The following PLCD3 variants were observed in gnomAD, a reference collection of about 807,000 sequenced individuals.
PLCD3 encodes the protein phospholipase C delta 3.
PLCD3 carries 62 observed loss-of-function variants against 82.8 expected under a neutral mutation model. The observed-to-expected ratio is 0.75, with a 90% CI of 0.61 to 0.93. The LOEUF (loss-of-function observed/expected upper bound fraction) is 0.93, where lower values mean the gene tolerates loss of function less well. Among genes scored for constraint, PLCD3 ranks in the 40% least tolerant of loss-of-function variants. PLCD3 has a pLI of 0.00. For synonymous variants in PLCD3, 478 were observed against 471.8 expected, an observed-to-expected ratio of 1.01 and a Z score of -0.17; for missense variants, 1,023 against 1,103.4, an observed-to-expected ratio of 0.93 and a Z score of 1.03.
chr17:45,131,836 G>A (rs2054455146), intron 1 of PLCD3, among the ~76,000 whole-genome samples: 1 of 152,270 alleles, frequency 6.6e-6, no homozygotes, highest in Admixed American at 6.5e-5. Context: ...CCTCTTCTGC[G>A]GAGGCCGACC....
intron 1 of PLCD3, among the ~76,000 whole-genome samples, chr17:45,124,128 G>A (rs76883783): frequency 6.6e-6 from 1 of 152,336 alleles, no homozygotes; most frequent in African/African-American, 2.4e-5. Flanking sequence ...CTCTGCAGCT[G>A]GGGCTGCCTC....
At chr17:45,128,808 T>C (rs753561899) in intron 1 of PLCD3, among the ~76,000 whole-genome samples, 1 of 152,232 alleles carries the variant, frequency 6.6e-6, no homozygotes, top group Non-Finnish European at 1.5e-5. Flanking sequence ...TTAGCGGAAT[T>C]CCAAACTTAA....
chr17:45,117,871 GTGAA>G (rs2054302908), intron 7 of PLCD3, 119 bp downstream of exon 7: 3 of 1,323,702 alleles, frequency 2.3e-6, no homozygotes, highest in South Asian at 2.8e-5. Flanking sequence ...GCAGCACTTG[GTGAA>G]TGAATGATTC....
At chr17:45,122,054 T>C (rs2054345885) in intron 1 of PLCD3, among the ~76,000 whole-genome samples, 1 of 152,200 alleles carries the variant, frequency 6.6e-6, no homozygotes, top group Admixed American at 6.5e-5. Flanking sequence ...CCTTTTTCCC[T>C]TGATGTGAAA....
intron 1 of PLCD3, among the ~76,000 whole-genome samples, chr17:45,126,064 GAT>G (rs2054379113): frequency 7.2e-6 from 1 of 139,644 alleles, no homozygotes; most frequent in African/African-American, 2.7e-5. Flanking sequence ...TTTTTTTTGA[GAT>G]GGAGTCTCGC....
intron 1 of PLCD3, among the ~76,000 whole-genome samples, chr17:45,131,209 G>C (rs1471407652): frequency 6.6e-6 from 1 of 152,210 alleles, no homozygotes; most frequent in Non-Finnish European, 1.5e-5. Flanking sequence ...GTAACAAGAA[G>C]GCAAAACTGG....
chr17:45,113,221 C>T lies in PLCD3; in HGVS notation c.2032G>A (p.Glu678Lys), dbSNP rs1273131607. ...TAQQLPKLNAEKPHSIVDPLV... is the reference protein window; with the variant it reads ...TAQQLPKLNAKKPHSIVDPLV... ...GGGTCCACAATGGAGTGTGGCTTCT[C>T]GGCATTCAGCTTGGGCAGCTGCTGT... Residue 678 changes from glutamate to lysine, a missense_variant, in exon 13 of 15, where the codon GAG becomes AAG. By Grantham distance (56) the Glu-to-Lys change is moderately conservative (BLOSUM62 1). Around this residue, in one of 3 missense-constraint regions of PLCD3, gnomAD observed 553 missense variants for 655.7 expected, o/e 0.84. Transcript: ENST00000619929. The T allele has an allele frequency of 2.5e-6, 4 of 1,609,864 alleles. No individual in the cohort carries two copies. The highest frequency in any genetic ancestry group is 3.4e-6 in the Non-Finnish European group (4 of 1,178,266).
chr17:45,117,988 G>C lies in PLCD3; in HGVS notation c.1260+6C>G. 1 of 1,612,854 alleles carries C rather than the reference G, an allele frequency of 6.2e-7. No homozygotes were observed. Among genetic ancestry groups the C allele is most frequent in the Non-Finnish European group, 8.5e-7 (1 of 1,179,614 alleles). On this transcript the variant is annotated splice_donor_region_variant and intron_variant, in intron 7 of 14. Transcript: ENST00000619929. ...GGGGCTGGGGCTGGGCATCCCAGGG[G>C]CTCACCGTGAAGGCATGGTCGCGCA... is the stretch of plus-strand genomic sequence containing the variant.
Position 45,112,521 on chromosome 17 carries a change from C to T in PLCD3, c.*95G>A. 2 of 1,338,568 alleles carry T rather than the reference C, an allele frequency of 1.5e-6. 1 individual carries two copies. Among genetic ancestry groups the T allele is most frequent in the South Asian group, 2.5e-5 (2 of 79,060 alleles). 82.9% of individuals were successfully genotyped at this position (1,338,568 alleles called of 1,614,324 possible). A position where few individuals can be genotyped will look rare whatever the true frequency, so the allele number is the denominator to read the frequency against. On this transcript the variant is annotated 3_prime_UTR_variant, in exon 15 of 15. Transcript: ENST00000619929. ...TGGGCCAAGTGGGTGGGCTGGGGGG[C>T]TGGTACTCCCACCACCTGACTCCAG...
chr17:45,126,337 C>T (rs539546899), intron 1 of PLCD3, among the ~76,000 whole-genome samples: 65 of 141,740 alleles, frequency 4.6e-4, no homozygotes, highest in African/African-American at 1.7e-3. Flanking sequence ...TGAGCCACTG[C>T]GCCCAGCCTA....
rs1023635977 is a variant in PLCD3, at chr17:45,114,896, C to T, written c.1711+198G>A. Among the ~76,000 whole-genome samples the T allele has an allele frequency of 3.9e-5, 6 of 152,162 alleles. No homozygotes were observed. The South Asian group carries it at 8.3e-4, about 21-fold the overall frequency. On this transcript the variant is annotated intron_variant, in intron 10 of 14. Coordinates refer to ENST00000619929, the MANE Select transcript of PLCD3 (RefSeq NM_133373.5). ...CCCACCACAGGGCTCTGAAGGCAGA[C>T]AGCAGGCCGCCCTCAGCGTGCCACT...
At chr17:45,123,964 C>CA (rs1555610231) in intron 1 of PLCD3, among the ~76,000 whole-genome samples, 35 of 145,136 alleles carry the variant, frequency 2.4e-4, no homozygotes, top group African/African-American at 7.9e-4. Context: ...AGACCCCCCC[C>CA]CCAACCAGGT....
chr17:45,112,782 G>C, intron 14 of PLCD3, 78 bp from the exon 15 acceptor site: 3 of 1,592,922 alleles, frequency 1.9e-6, no homozygotes, highest in Non-Finnish European at 1.7e-6. Context: ...CTTCAGGGCA[G>C]GAAATTCGAG....
intron 1 of PLCD3, 85 bp from the exon 2 acceptor site, chr17:45,121,457 T>C: frequency 7.2e-7 from 1 of 1,391,160 alleles, no homozygotes; most frequent in Non-Finnish European, 9.4e-7. Flanking sequence ...TGCTGCCCCA[T>C]CCTCCAGCCT....
chr17:45,126,351 T>TTA (rs1360326848), intron 1 of PLCD3, among the ~76,000 whole-genome samples: 1 of 102,586 alleles, frequency 9.7e-6, no homozygotes, highest in Non-Finnish European at 2.3e-5. Context: ...CAGCCTATTT[T>TTA]TTTTTTTTTT....
intron 9 of PLCD3, 48 bp downstream of exon 9, chr17:45,115,296 T>A: frequency 6.5e-7 from 1 of 1,527,156 alleles, no homozygotes; most frequent in Non-Finnish European, 8.8e-7. Flanking sequence ...CCCACATCCG[T>A]CCTCCCACCT....
chr17:45,112,672 C>T lies in PLCD3; in HGVS notation c.2314G>A (p.Gly772Arg), dbSNP rs368321108. The change falls in exon 15 of 15, where the codon GGG becomes AGG. Residue 772 changes from glycine (G) to arginine (R), a missense_variant. Physicochemically the swap from Gly to Arg is moderately radical, Grantham distance 125. Transcript: ENST00000619929. ...AGCGTGGCTGGTGACAGTGAGGCCC[C>T]GTCCTTGGAAAGCAGGTGTATGTGG... ...YRHIHLLSKD[G>R]ASLSPATLFI... 3.0e-5 allele frequency: 48 copies of T among 1,606,608 alleles called. No individual in the cohort carries two copies. The highest frequency in any genetic ancestry group is 3.4e-5 in the Admixed American group (2 of 59,062).
chr17:45,120,548 T>G, intron 3 of PLCD3, 94 bp from the exon 4 acceptor site: 2 of 1,542,074 alleles, frequency 1.3e-6, no homozygotes, highest in Middle Eastern at 2.0e-4. Flanking sequence ...GTCTGGGGGA[T>G]CCCCAGTTTA....
At chr17:45,128,424 GC>G (rs562874058) in intron 1 of PLCD3, among the ~76,000 whole-genome samples, 71 of 152,288 alleles carry the variant, frequency 4.7e-4, no homozygotes, top group Admixed American at 2.9e-3. Context: ...AGACTGGAGG[GC>G]CACCCAGCTT....
Sources: allele counts gnomAD v4.1 joint callset (sites outside exome capture counted in the v4.1 genomes callset), GRCh38; gene constraint gnomAD v4.1.1; regional missense constraint gnomAD v4.1.1; transcripts MANE v1.5; gene names NCBI Gene and HGNC (gene_info 2026-07-23, HGNC 2026-07-21).